Variants in MYLK4 observed in about 807,000 individuals in gnomAD.
MYLK4 encodes myosin light chain kinase family member 4, also known as caMLCK like.
Under a neutral mutation model 48.1 loss-of-function variants are expected in MYLK4, and 46 were observed. The ratio of observed to expected loss-of-function variants is 0.96; its 90% CI spans 0.75 to 1.22. The LOEUF (loss-of-function observed/expected upper bound fraction) is 1.22. Among genes scored for constraint, MYLK4 ranks in the 50% most tolerant of loss-of-function variants. MYLK4 has a pLI of 0.00. For missense variants in MYLK4, 451 were observed against 486.1 expected, an observed-to-expected ratio of 0.93 and a Z score of 0.68; for synonymous variants, 170 against 180.8, an observed-to-expected ratio of 0.94 and a Z score of 0.48.
At chr6:2,745,505 T>C (rs1013089999) in intron 2 of MYLK4, among the ~76,000 whole-genome samples, 2 of 152,246 alleles carry the variant, frequency 1.3e-5, no homozygotes, top group Non-Finnish European at 2.9e-5. Context: ...TAGTTTATTA[T>C]GGCATATGGT....
chr6:2,712,161 C>T (rs1212384920), intron 2 of MYLK4, among the ~76,000 whole-genome samples: 2 of 152,188 alleles, frequency 1.3e-5, no homozygotes, highest in Non-Finnish European at 2.9e-5. Context: ...TGCCACTCTC[C>T]CTTAACATCA....
intron 3 of MYLK4, among the ~76,000 whole-genome samples, chr6:2,691,777 C>A (rs1761812607): frequency 6.6e-6 from 1 of 152,058 alleles, no homozygotes; most frequent in Non-Finnish European, 1.5e-5. Flanking sequence ...TAGAAAATAA[C>A]AAAATGCCTG....
chr6:2,734,904 G>A (rs1763615530), intron 2 of MYLK4, among the ~76,000 whole-genome samples: 1 of 152,146 alleles, frequency 6.6e-6, no homozygotes, highest in African/African-American at 2.4e-5. Context: ...GGTTGGATGG[G>A]GCCCGAGAGC....
intron 2 of MYLK4, among the ~76,000 whole-genome samples, chr6:2,698,594 C>T (rs1308481296): frequency 2.0e-5 from 3 of 152,050 alleles, no homozygotes; most frequent in African/African-American, 4.8e-5. Flanking sequence ...CTAGAAATAT[C>T]TAAACAAAAG....
intron 2 of MYLK4, among the ~76,000 whole-genome samples, chr6:2,734,722 T>C (rs188286793): frequency 1.3e-5 from 2 of 152,326 alleles, no homozygotes; most frequent in Non-Finnish European, 2.9e-5. Context: ...GGTAAGCATA[T>C]ATTCACAACT....
intron 3 of MYLK4, among the ~76,000 whole-genome samples, chr6:2,691,959 A>G (rs1761821142): frequency 6.6e-6 from 1 of 152,222 alleles, no homozygotes; most frequent in South Asian, 2.1e-4. Context: ...ATTGCTGTGG[A>G]TACGCAATGC....
At position 2,709,109 on chromosome 6, in the gene MYLK4, T is replaced by C. The variant is rs534738376; in HGVS notation, c.160-16250A>G. Among the ~76,000 whole-genome samples, 212 of 152,294 alleles carry C rather than the reference T, an allele frequency of 1.4e-3. 1 individual carries two copies. The highest frequency in any genetic ancestry group is 5.0e-3 in the African/African-American group (206 of 41,566). On this transcript the variant is annotated intron_variant, in intron 2 of 12. Coordinates refer to ENST00000274643, the MANE Select transcript of MYLK4 (RefSeq NM_001012418.5). Reference sequence around the variant, plus strand: ...CCTCTATCGGTCATCTCATCTACTGTCTACTAGTCATCTATGAACAGTGAA... The same window carrying C: ...CCTCTATCGGTCATCTCATCTACTGCCTACTAGTCATCTATGAACAGTGAA...
At chr6:2,766,408 C>T in the MYLK4 span, 53 of 1,600,156 alleles carry the variant, frequency 3.3e-5, no homozygotes, top group Non-Finnish European at 3.8e-5. Context: ...ACGAAATCCC[C>T]TCGCTTATCC....
intron 2 of MYLK4, among the ~76,000 whole-genome samples, chr6:2,719,966 C>T (rs1228909402): frequency 2.0e-5 from 3 of 151,584 alleles, no homozygotes; most frequent in African/African-American, 4.9e-5. Flanking sequence ...GGCAAAACCC[C>T]GTCTCTACTA....
chr6:2,740,457 C>T (rs575489709), intron 2 of MYLK4, among the ~76,000 whole-genome samples: 4 of 152,324 alleles, frequency 2.6e-5, no homozygotes, highest in African/African-American at 4.8e-5. Flanking sequence ...ACAAGACCCC[C>T]GATGGTGGAG....
At chr6:2,688,736 A>T (rs1195630951) in intron 4 of MYLK4, 115 bp downstream of exon 4, 5 of 835,206 alleles carry the variant, frequency 6.0e-6, no homozygotes, top group Non-Finnish European at 9.7e-6. Flanking sequence ...ACTGTTTCTT[A>T]AAATGTTTGT....
upstream of MYLK4, among the ~76,000 whole-genome samples, chr6:2,753,876 A>G (rs1351682108): frequency 6.6e-6 from 1 of 151,976 alleles, no homozygotes; most frequent in Non-Finnish European, 1.5e-5. Flanking sequence ...AAAATAAAAG[A>G]TAGGTTGGGT....
Position 2,710,654 on chromosome 6 carries a change from A to T in MYLK4, c.160-17795T>A, listed in dbSNP as rs1762640428. Among the ~76,000 whole-genome samples, 6 of 150,234 alleles carry T rather than the reference A, an allele frequency of 4.0e-5. No homozygotes were observed. In the South Asian group the frequency reaches 1.3e-3, roughly 32 times the overall value. ...GAGATGGATTTGAAACAGATCTCCC[A>T]TCTCCTTGGCTGCAGCACCCAAATA... On this transcript the variant is annotated intron_variant, in intron 2 of 12. Transcript: ENST00000274643.
Position 2,744,182 on chromosome 6 carries a change from T to C in MYLK4, c.159+4954A>G, listed in dbSNP as rs958904808. On this transcript the variant is annotated intron_variant, in intron 2 of 12. Coordinates refer to ENST00000274643, the MANE Select transcript of MYLK4 (RefSeq NM_001012418.5). ...ATTACAGAGGGTTCTTGCAGAGTCC[T>C]GCACTGGACGTCTCCAGTTACGTGA... 3.5e-5 allele frequency: 14 copies of C among 396,910 alleles called. No individual in the cohort carries two copies. In the East Asian group the frequency reaches 4.6e-4, roughly 13 times the overall value. 24.6% of individuals were successfully genotyped at this position (396,910 alleles called of 1,614,324 possible).
rs79115597 is a variant in MYLK4 at position 2,713,426 on chromosome 6, A to G, written c.160-20567T>C. 9.9e-3 allele frequency among the ~76,000 whole-genome samples: 1,513 copies of G among 152,148 alleles called. 27 individuals carry two copies. The highest frequency in any genetic ancestry group is 0.033 in the African/African-American group (1,352 of 41,524). ...GAAAAGCAACATAAATACTAACTTG[A>G]TTTAGTCTTTCCTTCAGCAAGCATT... On this transcript the variant is annotated intron_variant, in intron 2 of 12. Transcript: ENST00000274643.
intron 2 of MYLK4, among the ~76,000 whole-genome samples, chr6:2,745,532 T>C (rs1333732859): frequency 6.6e-6 from 1 of 152,196 alleles, no homozygotes; most frequent in East Asian, 1.9e-4. Context: ...CTGAAAACTT[T>C]TAAAATTTTA....
At chr6:2,743,215 A>G (rs1763958318) in intron 2 of MYLK4, among the ~76,000 whole-genome samples, 1 of 152,204 alleles carries the variant, frequency 6.6e-6, no homozygotes, top group Admixed American at 6.5e-5. Context: ...GACAGGAACA[A>G]TGATTCAGAC....
At chr6:2,744,153 C>T (rs993935623) in intron 2 of MYLK4, 121 of 396,568 alleles carry the variant, frequency 3.1e-4, no homozygotes, top group Non-Finnish European at 4.8e-4. Flanking sequence ...GTGGGTGTCA[C>T]CGAATTACAG....
At chr6:2,765,727 C>G in the MYLK4 span, 1 of 1,534,068 alleles carries the variant, frequency 6.5e-7, no homozygotes, top group Non-Finnish European at 8.7e-7. Context: ...TCAACTCGCA[C>G]CTGGACCGCT....
Sources: gnomAD v4.1 joint callset for allele counts (sites outside exome capture counted in the v4.1 genomes callset) on GRCh38, gnomAD v4.1.1 for gene constraint, MANE v1.5 for transcripts, NCBI Gene and HGNC (gene_info 2026-07-23, HGNC 2026-07-21) for gene names.